Variants in CDK14 observed in about 807,000 individuals in gnomAD.
The protein encoded by CDK14 is cyclin-dependent kinase 14.
CDK14 carries 34 observed loss-of-function variants against 60.7 expected under a neutral mutation model. The observed-to-expected ratio is 0.56, with a 90% CI of 0.43 to 0.75. CDK14 has a LOEUF of 0.75. CDK14 is among the 30% of genes least tolerant of loss of function. The probability of loss-of-function intolerance (pLI) is 0.00; values close to 1 mark genes in which losing one functional copy is unlikely to be tolerated. For synonymous variants in CDK14, 197 were observed against 203.7 expected (o/e 0.97, Z 0.28); for missense variants, 482 against 564.1 (o/e 0.85, Z 1.47).
At chr7:90,996,158 T>C (rs1795676347) in intron 10 of CDK14, among the ~76,000 whole-genome samples, 2 of 152,192 alleles carry the variant, frequency 1.3e-5, no homozygotes, top group Admixed American at 6.5e-5. Flanking sequence ...GTGACTATTA[T>C]TAGAATTGCA....
Position 90,604,324 on chromosome 7 carries a change from T to C in CDK14, c.123+75T>C. 1.9e-5 allele frequency: 15 copies of C among 809,934 alleles called. No homozygotes were observed. In the South Asian group the frequency reaches 3.2e-4, roughly 17 times the overall value. 50.2% of individuals were successfully genotyped at this position (809,934 alleles called of 1,614,324 possible). On this transcript the variant is annotated intron_variant, in intron 2 of 14. Transcript: ENST00000380050. ...GTAAAGTCAGTAGCTGCCAACTTTG[T>C]ACCTGGAAACAAAAAAAATGCCTTT...
intron 14 of CDK14, among the ~76,000 whole-genome samples, chr7:91,164,886 G>T (rs1363126703): frequency 6.6e-6 from 1 of 152,100 alleles, no homozygotes; most frequent in East Asian, 1.9e-4. Context: ...GTATCCCCTG[G>T]TGATCCAAGG....
At chr7:91,203,499 T>C (rs935105119) in intron 14 of CDK14, among the ~76,000 whole-genome samples, 2 of 152,216 alleles carry the variant, frequency 1.3e-5, no homozygotes, top group African/African-American at 4.8e-5. Context: ...AGGGACTAAA[T>C]GAAGTCTCTG....
At chr7:91,030,809 C>T (rs1462019685) in intron 10 of CDK14, among the ~76,000 whole-genome samples, 1 of 152,208 alleles carries the variant, frequency 6.6e-6, no homozygotes, top group Non-Finnish European at 1.5e-5. Flanking sequence ...CAGTTCTTGG[C>T]CTCAGAGTCT....
intron 2 of CDK14, among the ~76,000 whole-genome samples, chr7:90,661,072 C>T (rs757612169): frequency 5.3e-4 from 81 of 152,156 alleles, no homozygotes; most frequent in Non-Finnish European, 9.4e-4. Flanking sequence ...AACAGACATT[C>T]GTCATATGGT....
chr7:90,719,185 C>G (rs1225493862), intron 2 of CDK14, among the ~76,000 whole-genome samples: 1 of 152,100 alleles, frequency 6.6e-6, no homozygotes, highest in Non-Finnish European at 1.5e-5. Flanking sequence ...ATGGATATTC[C>G]TTTCATGAAT....
chr7:90,842,260 AG>A (rs1249211181), intron 5 of CDK14, among the ~76,000 whole-genome samples: 1 of 152,154 alleles, frequency 6.6e-6, no homozygotes, highest in Non-Finnish European at 1.5e-5. Context: ...CAGTAACATT[AG>A]GCATCTAATT....
intron 2 of CDK14, among the ~76,000 whole-genome samples, chr7:90,693,854 A>T (rs557207618): frequency 1.3e-5 from 2 of 152,298 alleles, no homozygotes; most frequent in East Asian, 3.9e-4. Context: ...AGATGGCTCT[A>T]ATATGACACC....
At chr7:91,184,282 C>CAA (rs111896079) in intron 14 of CDK14, among the ~76,000 whole-genome samples, 5 of 119,768 alleles carry the variant, frequency 4.2e-5, no homozygotes, top group East Asian at 2.4e-4. Flanking sequence ...GAGATCCTCT[C>CAA]AAAAAAAAAA....
chr7:90,952,909 T>C (rs1256021983), intron 8 of CDK14, among the ~76,000 whole-genome samples: 3 of 152,202 alleles, frequency 2.0e-5, no homozygotes, highest in Admixed American at 6.5e-5. Flanking sequence ...ATGAACTGTA[T>C]AAACATATAG....
At chr7:91,176,093 A>G (rs1172013440) in intron 14 of CDK14, among the ~76,000 whole-genome samples, 4 of 151,510 alleles carry the variant, frequency 2.6e-5, no homozygotes, top group Admixed American at 1.3e-4. Flanking sequence ...AAAGAACAGA[A>G]ATTATAACAA....
chr7:90,792,088 G>A (rs1805855974), intron 5 of CDK14, among the ~76,000 whole-genome samples: 1 of 151,886 alleles, frequency 6.6e-6, no homozygotes, highest in South Asian at 2.1e-4. Context: ...TTTTAGTAGA[G>A]ATGGGGTTTC....
At chr7:90,867,287 C>T (rs1007251567) in intron 6 of CDK14, among the ~76,000 whole-genome samples, 5 of 152,028 alleles carry the variant, frequency 3.3e-5, no homozygotes, top group African/African-American at 1.2e-4. Context: ...CATTGACTCC[C>T]GAATATATTT....
At position 90,899,277 on chromosome 7, in the gene CDK14, C is replaced by T; in HGVS notation, c.640-14C>T. The T allele has an allele frequency of 6.3e-7, 1 of 1,588,802 alleles. No homozygotes were observed. The highest frequency in any genetic ancestry group is 1.8e-5 in the Admixed American group (1 of 56,450). ...CCAGAGGGTTATTAATACATTTTTC[C>T]TTTTCTTTTCTAGCACACTGATTTA... On this transcript the variant is annotated splice_polypyrimidine_tract_variant and intron_variant, in intron 6 of 14. Transcript: ENST00000380050.
chr7:90,866,838 G>A (rs551803392), intron 6 of CDK14, among the ~76,000 whole-genome samples: 115 of 152,288 alleles, frequency 7.6e-4, no homozygotes, highest in African/African-American at 2.6e-3. Context: ...CATTATTAAA[G>A]TGGTTTAGCG....
At chr7:90,886,858 T>C (rs1242252984) in intron 6 of CDK14, among the ~76,000 whole-genome samples, 2 of 152,160 alleles carry the variant, frequency 1.3e-5, no homozygotes, top group African/African-American at 2.4e-5. Context: ...TTCATACCCA[T>C]GCACAGCAAG....
intron 14 of CDK14, among the ~76,000 whole-genome samples, chr7:91,150,397 C>G (rs1800797701): frequency 6.6e-6 from 1 of 152,064 alleles, no homozygotes; most frequent in Non-Finnish European, 1.5e-5. Context: ...ATTTGCTGCT[C>G]TCATATATTT....
chr7:91,186,913 T>C (rs940178251), intron 14 of CDK14, among the ~76,000 whole-genome samples: 2 of 152,210 alleles, frequency 1.3e-5, no homozygotes, highest in Non-Finnish European at 2.9e-5. Context: ...AAATGTTATA[T>C]TGGTAACAGA....
chr7:91,124,188 T>C (rs1799870712), intron 14 of CDK14, among the ~76,000 whole-genome samples: 1 of 152,130 alleles, frequency 6.6e-6, no homozygotes, highest in Admixed American at 6.6e-5. Flanking sequence ...ATGCCCAGCC[T>C]TCAAGCATTT....
Sources: gnomAD v4.1 joint callset for allele counts (sites outside exome capture counted in the v4.1 genomes callset) on GRCh38, gnomAD v4.1.1 for gene constraint, MANE v1.5 for transcripts, NCBI Gene and HGNC (gene_info 2026-07-23, HGNC 2026-07-21) for gene names.